CTNNA3: variants seen among roughly 807,000 people sequenced by gnomAD.
CTNNA3 encodes the protein catenin alpha-3.
In CTNNA3, 76 loss-of-function variants were observed where a neutral mutation model predicts 95.7. The ratio of observed to expected loss-of-function variants is 0.79; its 90% CI spans 0.66 to 0.96. CTNNA3 has a LOEUF of 0.96. CTNNA3 is among the 40% of genes least tolerant of loss of function. CTNNA3 has a pLI of 0.00. For missense variants in CTNNA3, 1,191 were observed against 1,089.8 expected (o/e 1.09, Z -1.31); for synonymous variants, 431 against 374.4 (o/e 1.15, Z -1.74).
At chr10:66,197,336 C>CTCTATCTATCTATCTATCTA (rs200815679) in intron 13 of CTNNA3, among the ~76,000 whole-genome samples, 3 of 148,052 alleles carry the variant, frequency 2.0e-5, no homozygotes, top group East Asian at 2.0e-4. Context: ...CAATCCAAAT[C>CTCTATCTATCTATCTATCTA]TCTATCTATC....
At chr10:66,588,601 A>G (rs1367484408) in intron 10 of CTNNA3, among the ~76,000 whole-genome samples, 1 of 152,122 alleles carries the variant, frequency 6.6e-6, no homozygotes, top group Non-Finnish European at 1.5e-5. Context: ...GTTTTCCTTT[A>G]TAGGCTAGGG....
At chr10:66,065,617 C>G (rs1280277308) in intron 15 of CTNNA3, among the ~76,000 whole-genome samples, 15 of 152,072 alleles carry the variant, frequency 9.9e-5, no homozygotes, top group Non-Finnish European at 1.5e-5. Context: ...ATTCTCTGCC[C>G]AGCATCCTCC....
chr10:66,519,467 C>T (rs1234862139), intron 11 of CTNNA3, among the ~76,000 whole-genome samples: 3 of 152,112 alleles, frequency 2.0e-5, no homozygotes, highest in Non-Finnish European at 4.4e-5. Context: ...AATTACTAAG[C>T]CAAAGGGAAA....
chr10:66,555,616 G>C (rs1228716442), intron 10 of CTNNA3, among the ~76,000 whole-genome samples: 1 of 152,022 alleles, frequency 6.6e-6, no homozygotes, highest in Non-Finnish European at 1.5e-5. Flanking sequence ...TGTTCGGTTA[G>C]CATTTTGATG....
intron 5 of CTNNA3, among the ~76,000 whole-genome samples, chr10:67,497,364 G>C (rs1342594727): frequency 6.6e-6 from 1 of 152,070 alleles, no homozygotes; most frequent in Admixed American, 6.5e-5. Flanking sequence ...ACCAGTCTTT[G>C]CTATTGTGAA....
intron 2 of CTNNA3, among the ~76,000 whole-genome samples, chr10:67,615,756 G>A (rs892482229): frequency 3.4e-5 from 5 of 145,246 alleles, no homozygotes; most frequent in African/African-American, 1.0e-4. Flanking sequence ...TCTGCCTCCT[G>A]GGTTCAAGCG....
At chr10:67,147,431 A>G (rs1046562938) in intron 7 of CTNNA3, among the ~76,000 whole-genome samples, 2 of 152,248 alleles carry the variant, frequency 1.3e-5, no homozygotes, top group African/African-American at 2.4e-5. Context: ...TAAATATTCT[A>G]TAAGTGTTTA....
chr10:67,042,839 A>G (rs1221496573), intron 7 of CTNNA3, among the ~76,000 whole-genome samples: 1 of 152,176 alleles, frequency 6.6e-6, no homozygotes, highest in Non-Finnish European at 1.5e-5. Context: ...TTTAGTTCCA[A>G]TGGAAATGTG....
intron 15 of CTNNA3, among the ~76,000 whole-genome samples, chr10:66,004,831 T>C (rs2078847783): frequency 6.6e-6 from 1 of 152,254 alleles, no homozygotes; most frequent in Admixed American, 6.5e-5. Flanking sequence ...CCTGTATTAC[T>C]TGTTCCACTA....
chr10:66,115,524 TGATAGATAGATAGATA>T lies in CTNNA3; in HGVS notation c.1885-12291_1885-12276del, dbSNP rs71035110. Among the ~76,000 whole-genome samples, 551 of 137,574 alleles carry T rather than the reference TGATAGATAGATAGATA, an allele frequency of 4.0e-3. 5 individuals carry two copies. The highest frequency in any genetic ancestry group is 0.014 in the African/African-American group (508 of 35,458). 90.3% of individuals were successfully genotyped at this position (137,574 alleles called of 152,430 possible). On this transcript the variant is annotated intron_variant, in intron 13 of 17. Coordinates refer to ENST00000433211, the MANE Select transcript of CTNNA3 (RefSeq NM_013266.4). ...TGGGGAATATAGATAGATAGATAGATGATAGATAGATAGATAGATAGATAGATAGATAGATAGATAG... is the reference window on the plus strand; with the variant it reads ...TGGGGAATATAGATAGATAGATAGATGATAGATAGATAGATAGATAGATAG...
chr10:66,572,663 A>T (rs10822847), intron 10 of CTNNA3, among the ~76,000 whole-genome samples: 10,441 of 152,060 alleles, frequency 0.069, 703 homozygotes, highest in East Asian at 0.34. Flanking sequence ...GATAAAGAAA[A>T]CTTCACAGAT....
At chr10:66,021,001 C>G (rs2079194123) in intron 15 of CTNNA3, among the ~76,000 whole-genome samples, 1 of 152,084 alleles carries the variant, frequency 6.6e-6, no homozygotes, top group South Asian at 2.1e-4. Context: ...CATGGTTGAT[C>G]ACTGACTCTT....
intron 10 of CTNNA3, among the ~76,000 whole-genome samples, chr10:66,613,555 C>T (rs1312290315): frequency 2.0e-5 from 3 of 152,010 alleles, no homozygotes; most frequent in Non-Finnish European, 2.9e-5. Context: ...GCTGCACCCA[C>T]GCACTCTCTC....
intron 9 of CTNNA3, among the ~76,000 whole-genome samples, chr10:66,719,651 T>C (rs1442918434): frequency 6.6e-6 from 1 of 152,098 alleles, no homozygotes; most frequent in Non-Finnish European, 1.5e-5. Context: ...AGAATATACC[T>C]GCAGCAGCAT....
At chr10:66,451,312 C>G (rs562624575) in intron 11 of CTNNA3, among the ~76,000 whole-genome samples, 1 of 152,190 alleles carries the variant, frequency 6.6e-6, no homozygotes, top group South Asian at 2.1e-4. Context: ...TTTATTTAAT[C>G]ATGTAACAAC....
intron 7 of CTNNA3, among the ~76,000 whole-genome samples, chr10:66,798,077 T>C (rs539774635): frequency 1.3e-5 from 2 of 151,992 alleles, no homozygotes; most frequent in South Asian, 2.1e-4. Flanking sequence ...TCAGCAGAGC[T>C]ATCCACTTAC....
At chr10:66,696,638 T>C (rs1013227575) in intron 9 of CTNNA3, among the ~76,000 whole-genome samples, 3 of 152,062 alleles carry the variant, frequency 2.0e-5, no homozygotes, top group African/African-American at 7.2e-5. Context: ...CTTAATCATC[T>C]AAAATATTTC....
At chr10:67,714,681 G>A (rs4619040) in intron 1 of CTNNA3, among the ~76,000 whole-genome samples, 26,806 of 152,074 alleles carry the variant, frequency 0.18, 3,432 homozygotes, top group East Asian at 0.44. Flanking sequence ...AGGACATGAG[G>A]TTTGAGAGGG....
intron 5 of CTNNA3, among the ~76,000 whole-genome samples, chr10:67,456,552 A>G (rs976550836): frequency 2.0e-5 from 3 of 152,164 alleles, no homozygotes; most frequent in Non-Finnish European, 4.4e-5. Flanking sequence ...TATTTGAGCC[A>G]TCTGATTTTT....
Sources: gnomAD v4.1 joint callset for allele counts (sites outside exome capture counted in the v4.1 genomes callset) on GRCh38, gnomAD v4.1.1 for gene constraint, MANE v1.5 for transcripts, NCBI Gene and HGNC (gene_info 2026-07-23, HGNC 2026-07-21) for gene names.